Variants in NDUFS1 observed in about 807,000 individuals in gnomAD.
The protein encoded by NDUFS1 is NADH:ubiquinone oxidoreductase core subunit S1.
A neutral mutation model predicts 84.4 loss-of-function variants in NDUFS1; 61 were observed. That is an observed-to-expected ratio of 0.72 (90% confidence interval 0.59 to 0.89). The LOEUF (loss-of-function observed/expected upper bound fraction) is 0.89. Among genes scored for constraint, NDUFS1 ranks in the 40% least tolerant of loss-of-function variants. NDUFS1 has a pLI of 0.00. For synonymous variants in NDUFS1, 275 were observed against 290.0 expected, an observed-to-expected ratio of 0.95 and a Z score of 0.53; for missense variants, 891 against 890.0, an observed-to-expected ratio of 1.00 and a Z score of -0.01.
intron 13 of NDUFS1, among the ~76,000 whole-genome samples, chr2:206,135,401 A>G (rs1007928820): frequency 2.0e-5 from 3 of 151,974 alleles, no homozygotes; most frequent in African/African-American, 7.2e-5. Context: ...CAGGCCAGGC[A>G]CAGTGGCTCA....
intron 8 of NDUFS1, among the ~76,000 whole-genome samples, chr2:206,145,726 A>G (rs1183109765): frequency 6.6e-6 from 1 of 152,098 alleles, no homozygotes; most frequent in Non-Finnish European, 1.5e-5. Context: ...TGCTCCTCCT[A>G]TGCTCCTCTC....
rs776376105 is a variant in NDUFS1, at chr2:206,154,814, AG to A, written c.-4-1133del. Among the ~76,000 whole-genome samples, 6 of 151,798 alleles carry A rather than the reference AG, an allele frequency of 4.0e-5. 1 individual carries two copies. In the South Asian group the frequency reaches 1.2e-3, roughly 32 times the overall value. On this transcript the variant is annotated intron_variant, in intron 1 of 18. Coordinates refer to ENST00000233190, the MANE Select transcript of NDUFS1 (RefSeq NM_005006.7). ...AATTTTTTGTATCTTTAGTAGAGAC[AG>A]GGTTTCACCATGTTGGCCAGGCTGG... is the stretch of plus-strand genomic sequence containing the variant.
Position 206,127,971 on chromosome 2 carries a change from T to A in NDUFS1, c.1710A>T (p.Gly570=). The A allele has an allele frequency of 6.2e-7, 1 of 1,614,072 alleles. No homozygotes were observed. Among genetic ancestry groups the A allele is most frequent in the Non-Finnish European group, 8.5e-7 (1 of 1,179,990 alleles). The part of the protein sequence containing the change: ...LPKDCFIIYQ[G]HHGDVGAPIA... The stretch of plus-strand genomic sequence containing the variant: ...TGGGAGCCCCAACATCACCATGATG[T>A]CCTGCACAAAGATGGAAAATGGTAA... Residue 570 remains glycine, a splice_region_variant and synonymous_variant, in exon 16 of 19, where the codon GGA becomes GGT. Transcript: ENST00000233190.
chr2:206,149,164 TA>T, intron 4 of NDUFS1, 68 bp from the exon 5 acceptor site: 2 of 1,121,536 alleles, frequency 1.8e-6, no homozygotes, highest in South Asian at 2.7e-5. Flanking sequence ...ACTCAATATA[TA>T]AAAATGTTAA....
chr2:206,120,702 C>T lies in NDUFS1; in HGVS notation c.*3483G>A, dbSNP rs1458792074. The stretch of plus-strand genomic sequence containing the variant: ...ATCAGATATGGAAGCAAAGAAATAA[C>T]TTAAAGTTGGAACATATTTAAAAGG... On this transcript the variant is annotated 3_prime_UTR_variant, in exon 19 of 19. Transcript: ENST00000233190. 6.6e-6 allele frequency: 1 copy of T among 152,188 alleles called. No individual in the cohort carries two copies. The highest frequency in any genetic ancestry group is 2.4e-5 in the African/African-American group (1 of 41,448). 9.4% of individuals were successfully genotyped at this position (152,188 alleles called of 1,614,324 possible). A position where few individuals can be genotyped will look rare whatever the true frequency, so the allele number is the denominator to read the frequency against.
chr2:206,144,490 A>G (rs1692084079), intron 9 of NDUFS1, among the ~76,000 whole-genome samples: 1 of 152,258 alleles, frequency 6.6e-6, no homozygotes, highest in Non-Finnish European at 1.5e-5. Context: ...GTATCTCTAA[A>G]TATTTTATCA....
At chr2:206,149,644 T>C (rs993158869) in intron 4 of NDUFS1, 174 bp downstream of exon 4, 1 of 628,826 alleles carries the variant, frequency 1.6e-6, no homozygotes, top group African/African-American at 1.8e-5. Context: ...CTTCTATCTA[T>C]GTGTTTCCAG....
intron 12 of NDUFS1, among the ~76,000 whole-genome samples, chr2:206,140,004 T>C: frequency 6.6e-6 from 1 of 151,152 alleles, no homozygotes; most frequent in South Asian, 2.1e-4. Flanking sequence ...AAAAAATCAA[T>C]GAAATTTAAA....
rs1165393284 is a variant in NDUFS1 at position 206,121,721 on chromosome 2, G to GGATT, written c.*2460_*2463dup. On this transcript the variant is annotated 3_prime_UTR_variant, in exon 19 of 19. Transcript: ENST00000233190. ...CCCGCCTCAGCCTGCCAAAGTGCTG[G>GGATT]GATTACAGGTGTGAGCCACCGCGCC... The GGATT allele has an allele frequency of 6.6e-6, 1 of 152,192 alleles. No homozygotes were observed. The highest frequency in any genetic ancestry group is 1.9e-4 in the East Asian group (1 of 5,194). The allele number at this position is 152,192 out of a possible 1,614,324, so 9.4% of individuals were successfully genotyped here.
At chr2:206,136,800 G>A (rs1463715555) in intron 13 of NDUFS1, among the ~76,000 whole-genome samples, 3 of 150,934 alleles carry the variant, frequency 2.0e-5, no homozygotes, top group Non-Finnish European at 4.4e-5. Context: ...CTGTTGCCCA[G>A]GCTGGAGTGC....
chr2:206,139,871 T>TAAAAAAAAAAAAAAAAAAAAAAAAA (rs35564839), intron 12 of NDUFS1, among the ~76,000 whole-genome samples: 1 of 103,584 alleles, frequency 9.7e-6, no homozygotes, highest in Non-Finnish European at 1.9e-5. Context: ...CTTGTGTTCT[T>TAAAAAAAAAAAAAAAAAAAAAAAAA]AAAAAAAAAA....
At chr2:206,135,071 T>A (rs992467334) in intron 13 of NDUFS1, among the ~76,000 whole-genome samples, 1 of 152,026 alleles carries the variant, frequency 6.6e-6, no homozygotes, top group Non-Finnish European at 1.5e-5. Flanking sequence ...CAGGCTGGAG[T>A]GCAGTGGCAT....
At position 206,122,328 on chromosome 2, in the gene NDUFS1, T is replaced by G. The variant is rs1691120070; in HGVS notation, c.*1857A>C. On this transcript the variant is annotated 3_prime_UTR_variant, in exon 19 of 19. Transcript: ENST00000233190. ...TTCTAAAACCTTATCCTTTGTTGTATCAGAAAAACGACATCCTAGACTGGG... is the reference window on the plus strand; with the variant it reads ...TTCTAAAACCTTATCCTTTGTTGTAGCAGAAAAACGACATCCTAGACTGGG... 1 of 151,708 alleles carries G rather than the reference T, an allele frequency of 6.6e-6. No homozygotes were observed. The highest frequency in any genetic ancestry group is 2.4e-5 in the African/African-American group (1 of 41,290). 9.4% of individuals were successfully genotyped at this position (151,708 alleles called of 1,614,324 possible). A position where few individuals can be genotyped will look rare whatever the true frequency, so the allele number is the denominator to read the frequency against.
intron 7 of NDUFS1, 116 bp downstream of exon 7, chr2:206,147,415 C>A (rs1692195077): frequency 1.0e-6 from 1 of 988,162 alleles, no homozygotes; most frequent in Non-Finnish European, 1.5e-6. Flanking sequence ...GAAACAGCAT[C>A]CCTCTTCTCC....
chr2:206,159,293 A>T (rs982267227), intron 1 of NDUFS1, 48 bp downstream of exon 1: 2 of 716,912 alleles, frequency 2.8e-6, no homozygotes. Flanking sequence ...TCAATAAATA[A>T]GCCTCTGGCC....
chr2:206,128,249 T>C (rs1365948140), intron 15 of NDUFS1, among the ~76,000 whole-genome samples: 1 of 152,030 alleles, frequency 6.6e-6, no homozygotes, highest in African/African-American at 2.4e-5. Context: ...CACAGCAAGC[T>C]CTGCCTCCTG....
Position 206,116,578 on chromosome 2 carries a change from A to G in NDUFS1, c.*7607T>C. 1 of 578,578 alleles carries G rather than the reference A, an allele frequency of 1.7e-6. No homozygotes were observed. Among genetic ancestry groups the G allele is most frequent in the Admixed American group, 2.9e-5 (1 of 34,494 alleles). 35.8% of individuals were successfully genotyped at this position (578,578 alleles called of 1,614,324 possible). On this transcript the variant is annotated 3_prime_UTR_variant, in exon 19 of 19. Coordinates refer to ENST00000233190, the MANE Select transcript of NDUFS1 (RefSeq NM_005006.7). ...AGGCGGGGCGGTGTGGGCAGAAGTA[A>G]ATTTCTTTATAAATTACCCAGTCTG... is the stretch of plus-strand genomic sequence containing the variant.
At chr2:206,134,475 A>C (rs1026772802) in intron 13 of NDUFS1, among the ~76,000 whole-genome samples, 1 of 152,072 alleles carries the variant, frequency 6.6e-6, no homozygotes, top group Non-Finnish European at 1.5e-5. Flanking sequence ...CTCTACAAAA[A>C]ATTGGCCAGG....
chr2:206,157,772 T>C (rs113857997), intron 1 of NDUFS1, among the ~76,000 whole-genome samples: 7 of 152,268 alleles, frequency 4.6e-5, no homozygotes, highest in South Asian at 2.1e-4. Context: ...CAAGTAGCAA[T>C]AGAAATAATT....
Sources: allele counts gnomAD v4.1 joint callset (sites outside exome capture counted in the v4.1 genomes callset), GRCh38; gene constraint gnomAD v4.1.1; transcripts MANE v1.5; gene names NCBI Gene and HGNC (gene_info 2026-07-23, HGNC 2026-07-21).